Variants in TCEA2 observed in about 807,000 individuals in gnomAD.
TCEA2 encodes the protein transcription elongation factor A2, also known as transcription elongation factor A protein 2.
TCEA2 carries 21 observed loss-of-function variants against 40.8 expected under a neutral mutation model. That is an observed-to-expected ratio of 0.51 (90% CI 0.36 to 0.74). TCEA2 has a LOEUF of 0.74. TCEA2 is among the 30% of genes least tolerant of loss of function. The pLI, the probability that TCEA2 is intolerant of heterozygous loss-of-function variation, is 0.00. For synonymous variants in TCEA2, 165 were observed against 162.7 expected (o/e 1.01, Z -0.11); for missense variants, 326 against 426.5 (o/e 0.76, Z 2.08).
intron 2 of TCEA2, among the ~76,000 whole-genome samples, 185 bp from the exon 3 acceptor site, chr20:64,066,730 C>G (rs921799887): frequency 6.6e-6 from 1 of 152,216 alleles, no homozygotes; most frequent in Non-Finnish European, 1.5e-5. Flanking sequence ...CTGAGGATAA[C>G]CCATCTTGTC....
rs1161376929 is a variant in TCEA2 at position 64,057,791 on chromosome 20, G to A, written c.-84+140G>A. The A allele has an allele frequency of 2.0e-5, 3 of 152,304 alleles. No individual in the cohort carries two copies. The East Asian group carries it at 5.8e-4, about 29-fold the overall frequency. The allele number at this position is 152,304 out of a possible 1,614,324, so 9.4% of individuals were successfully genotyped here. A position where few individuals can be genotyped will look rare whatever the true frequency, so the allele number is the denominator to read the frequency against. ...GGTCGCCGCCACAGCCCTCACAAACGAGGCCACTCTCTAGGACTGGCCACC... is the reference window on the plus strand; with the variant it reads ...GGTCGCCGCCACAGCCCTCACAAACAAGGCCACTCTCTAGGACTGGCCACC... On this transcript the variant is annotated intron_variant, in intron 1 of 10. Transcript: ENST00000361317.
chr20:64,066,633 C>T (rs992854013), intron 2 of TCEA2, 95 bp downstream of exon 2: 84 of 1,408,486 alleles, frequency 6.0e-5, no homozygotes, highest in Non-Finnish European at 7.6e-5. Flanking sequence ...CCCCACCCTC[C>T]CCACCAGGCC....
chr20:64,063,640 C>T (rs1230348544), intron 1 of TCEA2: 2 of 533,494 alleles, frequency 3.7e-6, no homozygotes, highest in African/African-American at 2.0e-5. Context: ...GAGCCACCCG[C>T]TCTGGACTCA....
At chr20:64,070,096 C>A in intron 6 of TCEA2, 164 bp from the exon 7 acceptor site, 1 of 1,105,372 alleles carries the variant, frequency 9.0e-7, no homozygotes, top group Non-Finnish European at 1.3e-6. Context: ...GCAGGCTTGG[C>A]CCTGCAGCCC....
upstream of TCEA2, chr20:64,056,747 G>C (rs936872248): frequency 6.6e-6 from 1 of 152,226 alleles, no homozygotes; most frequent in Non-Finnish European, 1.5e-5. Flanking sequence ...CTGAGTTTCC[G>C]ACGTTTCCTG....
chr20:64,059,102 A>G (rs1271872172), upstream of TCEA2, among the ~76,000 whole-genome samples: 1 of 150,520 alleles, frequency 6.6e-6, no homozygotes, highest in Non-Finnish European at 1.5e-5. Context: ...CTGAGACAAG[A>G]GAATTGCTTG....
rs760160962 is a variant in TCEA2 at position 64,069,782 on chromosome 20, G to A, written c.478G>A (p.Gly160Ser). Residue 160 changes from glycine to serine, a missense_variant, in exon 6 of 10, where the codon GGT (glycine) becomes AGT (serine). Coordinates refer to ENST00000343484, the MANE Select transcript of TCEA2 (RefSeq NM_003195.6). ...TCTTGCAGATGACCACGTGGCCATC[G>A]GTGCGGACTGCGAGCGCCTGTCGGC... ...LQTDHDHVAI[G>S]ADCERLSAQI... is the part of the protein sequence containing the mutation. 8.1e-6 allele frequency: 13 copies of A among 1,612,978 alleles called. No individual in the cohort carries two copies. The highest frequency in any genetic ancestry group is 1.1e-5 in the South Asian group (1 of 91,060).
upstream of TCEA2, among the ~76,000 whole-genome samples, chr20:64,060,313 G>A (rs114807155): frequency 4.8e-3 from 732 of 152,308 alleles, 8 homozygotes; most frequent in African/African-American, 0.015. Flanking sequence ...ACACTCGGCC[G>A]TTGGAGAAGC....
intron 6 of TCEA2, 126 bp from the exon 7 acceptor site, chr20:64,070,134 C>T: frequency 2.8e-6 from 4 of 1,417,226 alleles, no homozygotes; most frequent in Non-Finnish European, 3.9e-6. Flanking sequence ...TGTGGGTGGG[C>T]AGACCGACCC....
chr20:64,069,395 A>G lies in TCEA2; in HGVS notation c.364A>G (p.Thr122Ala). Residue 122 changes from threonine to alanine, a missense_variant, in exon 5 of 10, where the codon ACT becomes GCT. Transcript: ENST00000343484. ...KRPELPRAPS[T>A]PRITTFPPVP... ...GCCGGAGCTGCCCAGGGCACCGTCG[A>G]CTCCGAGGATCACCACATTTCCTCC... is the stretch of plus-strand genomic sequence containing the variant. 1 of 1,608,612 alleles carries G rather than the reference A, an allele frequency of 6.2e-7. No individual in the cohort carries two copies.
upstream of TCEA2, among the ~76,000 whole-genome samples, chr20:64,055,631 G>C (rs1407013119): frequency 6.6e-6 from 1 of 152,200 alleles, no homozygotes; most frequent in African/African-American, 2.4e-5. The surrounding 1 kb of genome is among the most constrained non-coding windows in gnomAD (Gnocchi z 4.0). Flanking sequence ...GGGCTGAGTT[G>C]GCTCTGGGAG....
chr20:64,063,686 C>A, intron 1 of TCEA2: 1 of 441,716 alleles, frequency 2.3e-6, no homozygotes, highest in Non-Finnish European at 4.1e-6. Flanking sequence ...GGCTCCGCAC[C>A]CTTCCCTGTC....
Position 64,069,746 on chromosome 20 carries a change from T to G in TCEA2, c.461-19T>G. 6.2e-7 allele frequency: 1 copy of G among 1,604,958 alleles called. No individual in the cohort carries two copies. Among genetic ancestry groups the G allele is most frequent in the Non-Finnish European group, 8.5e-7 (1 of 1,172,984 alleles). ...TGGAGAAACCAGTGGGGGAAGCTAG[T>G]CAGGGCTCCCTCTTGCAGATGACCA... On this transcript the variant is annotated intron_variant, in intron 5 of 9. Transcript: ENST00000343484.
chr20:64,063,503 GC>G (rs1464634073), intron 1 of TCEA2, 119 bp downstream of exon 1: 11 of 1,188,866 alleles, frequency 9.3e-6, no homozygotes, highest in Non-Finnish European at 1.3e-5. Context: ...CCCCTCCCCG[GC>G]AGAGACTAAC....
chr20:64,057,896 G>A lies in TCEA2; in HGVS notation c.-84+245G>A, dbSNP rs547507474. 1.3e-3 allele frequency among the ~76,000 whole-genome samples: 194 copies of A among 152,258 alleles called. 2 individuals carry two copies. Among genetic ancestry groups the A allele is most frequent in the African/African-American group, 4.5e-3 (188 of 41,558 alleles). ...ACCACCTGGACCTCCCTGGGGCTTG[G>A]GGGTGGGGTGGTGGTGAAGTGAGGC... On this transcript the variant is annotated intron_variant, in intron 1 of 10. Transcript: ENST00000361317.
rs769731700 is a variant in TCEA2, at chr20:64,063,349, C to T, written c.37C>T (p.Arg13Trp). Residue 13 changes from arginine (R) to tryptophan (W), a missense_variant, in exon 1 of 10, where the codon CGG (arginine) becomes TGG (tryptophan). Physicochemically the swap from Arg to Trp is moderately radical, Grantham distance 101. Coordinates refer to ENST00000343484, the MANE Select transcript of TCEA2 (RefSeq NM_003195.6). ...GGAAGAGGAGATTGCGCGGATCGCC[C>T]GGAGGCTGGACAAGATGGTGACCAA... The part of the protein sequence containing the change: ...GKEEEIARIA[R>W]RLDKMVTKKS... 1 of 1,549,700 alleles carries T rather than the reference C, an allele frequency of 6.5e-7. No homozygotes were observed. Among genetic ancestry groups the T allele is most frequent in the East Asian group, 2.4e-5 (1 of 41,220 alleles).
chr20:64,070,140 G>C (rs1021207688), intron 6 of TCEA2, 120 bp from the exon 7 acceptor site: 1 of 1,457,204 alleles, frequency 6.9e-7, no homozygotes, highest in Non-Finnish European at 9.4e-7. Context: ...TGGGCAGACC[G>C]ACCCCTGTGT....
Position 64,072,339 on chromosome 20 carries a change from T to A in TCEA2, c.*159T>A. On this transcript the variant is annotated 3_prime_UTR_variant, in exon 10 of 10. Transcript: ENST00000343484. ...TTTCCCCCTCATTATTAAATGTTTC[T>A]TTTTGCCATCTTGTTCTCCTCAGCC... The A allele has an allele frequency of 1.2e-6, 1 of 838,984 alleles. No individual in the cohort carries two copies. 52.0% of individuals were successfully genotyped at this position (838,984 alleles called of 1,614,324 possible).
chr20:64,067,997 C>T lies in TCEA2; in HGVS notation c.242-50C>T, dbSNP rs568663984. 62 of 1,453,254 alleles carry T rather than the reference C, an allele frequency of 4.3e-5. No individual in the cohort carries two copies. The South Asian group carries it at 7.7e-4, about 18-fold the overall frequency. The allele number at this position is 1,453,254 out of a possible 1,614,324, so 90.0% of individuals were successfully genotyped here. ...TGTACCTTGGTGGTGGTCTGTGCCC[C>T]TCCCTCCTCTGCCTCCCCTTGATCA... On this transcript the variant is annotated intron_variant, in intron 3 of 9. Coordinates refer to ENST00000343484, the MANE Select transcript of TCEA2 (RefSeq NM_003195.6).
Sources: gnomAD v4.1 joint callset for allele counts (sites outside exome capture counted in the v4.1 genomes callset) on GRCh38, gnomAD v4.1.1 for gene constraint, Gnocchi (gnomAD v3.1) non-coding constraint, MANE v1.5 for transcripts, NCBI Gene and HGNC (gene_info 2026-07-23, HGNC 2026-07-21) for gene names.